Variants in TAFA4 observed in about 807,000 individuals in gnomAD.
The protein encoded by TAFA4 is chemokine-like protein TAFA-4.
In TAFA4, 20 loss-of-function variants were observed where a neutral mutation model predicts 21.1. The observed-to-expected ratio is 0.95, with a 90% CI of 0.67 to 1.38. The LOEUF is 1.38. Among genes scored for constraint, TAFA4 ranks in the 40% most tolerant of loss-of-function variants. The probability of loss-of-function intolerance (pLI) is 0.00; values close to 1 mark genes in which losing one functional copy is unlikely to be tolerated. For synonymous variants in TAFA4, 71 were observed against 67.4 expected, an observed-to-expected ratio of 1.05 and a Z score of -0.26; for missense variants, 211 against 180.9, an observed-to-expected ratio of 1.17 and a Z score of -0.95.
chr3:68,932,008 C>A, intron 1 of TAFA4, among the ~76,000 whole-genome samples: 1 of 152,174 alleles, frequency 6.6e-6, no homozygotes, highest in Middle Eastern at 3.2e-3. Context: ...TCTCCAGCCA[C>A]ACATCCTTAC....
At chr3:68,827,058 CCTGTGTGTAATGTTCCTCTCT>C (rs1233513332) in intron 3 of TAFA4, among the ~76,000 whole-genome samples, 1 of 148,034 alleles carries the variant, frequency 6.8e-6, no homozygotes, top group Non-Finnish European at 1.5e-5. Context: ...CCAACAGGCC[CCTGTGTGTAATGTTCCTCTCT>C]CTGTGTCCAT....
At chr3:68,929,368 A>C (rs1313440688) in intron 1 of TAFA4, among the ~76,000 whole-genome samples, 1 of 152,208 alleles carries the variant, frequency 6.6e-6, no homozygotes, top group African/African-American at 2.4e-5. Flanking sequence ...TGAATCGTGA[A>C]TCTTGTTTCC....
At chr3:68,745,124 T>C (rs1366366011) in intron 4 of TAFA4, among the ~76,000 whole-genome samples, 1 of 152,082 alleles carries the variant, frequency 6.6e-6, no homozygotes, top group African/African-American at 2.4e-5. Context: ...GAGTTAAGGA[T>C]TGACTAAAAA....
chr3:68,787,814 T>G (rs1235720961), intron 3 of TAFA4, among the ~76,000 whole-genome samples: 1 of 152,272 alleles, frequency 6.6e-6, no homozygotes, highest in East Asian at 1.9e-4. Context: ...GGATTGGAGC[T>G]GCATGTTGTG....
intron 1 of TAFA4, among the ~76,000 whole-genome samples, chr3:68,887,024 C>T (rs1347709666): frequency 6.6e-6 from 1 of 152,178 alleles, no homozygotes; most frequent in Non-Finnish European, 1.5e-5. Flanking sequence ...AGCCCAGTGT[C>T]CAGAGTTCCA....
intron 3 of TAFA4, among the ~76,000 whole-genome samples, chr3:68,812,684 A>G (rs879270474): frequency 1.4e-4 from 22 of 152,344 alleles, no homozygotes; most frequent in Non-Finnish European, 2.6e-4. Context: ...GCAAGTCCTT[A>G]GAGACCTAGA....
At chr3:68,931,410 TG>T (rs1189973639) in intron 1 of TAFA4, among the ~76,000 whole-genome samples, 1 of 152,078 alleles carries the variant, frequency 6.6e-6, no homozygotes, top group African/African-American at 2.4e-5. Flanking sequence ...AAACGTTAAA[TG>T]ATGCTGATTC....
At chr3:68,806,240 A>G (rs181995727) in intron 3 of TAFA4, among the ~76,000 whole-genome samples, 62 of 152,314 alleles carry the variant, frequency 4.1e-4, no homozygotes, top group African/African-American at 1.4e-3. Flanking sequence ...CTTGTTAAGT[A>G]AGGAGAAAAA....
At chr3:68,779,746 C>T (rs1394837361) in intron 3 of TAFA4, among the ~76,000 whole-genome samples, 2 of 152,158 alleles carry the variant, frequency 1.3e-5, no homozygotes, top group Non-Finnish European at 2.9e-5. Context: ...GCTGCAGGGG[C>T]GGGGCCCTCA....
intron 4 of TAFA4, among the ~76,000 whole-genome samples, chr3:68,747,000 A>G (rs997252611): frequency 4.1e-4 from 62 of 152,286 alleles, no homozygotes; most frequent in African/African-American, 1.5e-3. Flanking sequence ...CTGTCTTGAG[A>G]CAATGTCAAA....
At chr3:68,860,342 A>G (rs558923093) in intron 3 of TAFA4, among the ~76,000 whole-genome samples, 19 of 152,262 alleles carry the variant, frequency 1.2e-4, no homozygotes, top group Non-Finnish European at 1.9e-4. Context: ...TTTCACCTAT[A>G]AAACATTAAA....
At chr3:68,917,231 G>T (rs1373411194) in intron 1 of TAFA4, among the ~76,000 whole-genome samples, 1 of 152,120 alleles carries the variant, frequency 6.6e-6, no homozygotes, top group Non-Finnish European at 1.5e-5. Flanking sequence ...AAACACTGAT[G>T]TACTTCTCAG....
intron 5 of TAFA4, 51 bp downstream of exon 5, chr3:68,739,024 G>GC (rs757245214): frequency 6.2e-7 from 1 of 1,601,286 alleles, no homozygotes; most frequent in East Asian, 2.2e-5. Context: ...AGGGGAGAAA[G>GC]CCCCACAGTT....
intron 3 of TAFA4, among the ~76,000 whole-genome samples, chr3:68,814,671 A>T (rs1361085395): frequency 1.3e-5 from 2 of 152,240 alleles, no homozygotes; most frequent in African/African-American, 4.8e-5. Flanking sequence ...AGAGGATACA[A>T]ACACATGGAA....
intron 3 of TAFA4, among the ~76,000 whole-genome samples, chr3:68,812,206 G>A (rs1030204640): frequency 3.3e-5 from 5 of 152,210 alleles, no homozygotes; most frequent in Admixed American, 1.3e-4. Context: ...ACAGGTACCA[G>A]CTACTGCAAA....
chr3:68,887,365 G>A (rs906840804), intron 1 of TAFA4, among the ~76,000 whole-genome samples: 4 of 152,254 alleles, frequency 2.6e-5, no homozygotes, highest in East Asian at 1.9e-4. Context: ...TGCTGGACCC[G>A]ATCCACTCAG....
At chr3:68,754,052 C>A (rs566641070) in intron 3 of TAFA4, among the ~76,000 whole-genome samples, 1 of 152,290 alleles carries the variant, frequency 6.6e-6, no homozygotes, top group African/African-American at 2.4e-5. Context: ...TATGTGGCCC[C>A]ATTTGCTTTA....
At position 68,839,085 on chromosome 3, in the gene TAFA4, G is replaced by A. The variant is rs181164483; in HGVS notation, c.130+41645C>T. 9.8e-4 allele frequency among the ~76,000 whole-genome samples: 149 copies of A among 152,298 alleles called. 1 individual carries two copies. Among genetic ancestry groups the A allele is most frequent in the African/African-American group, 3.0e-3 (124 of 41,556 alleles). On this transcript the variant is annotated intron_variant, in intron 3 of 5. Transcript: ENST00000295569. The stretch of plus-strand genomic sequence containing the variant: ...TGCACTCCAGCCTGGGAGACAGAGC[G>A]AGACCTTGTCTCAAAGAAAAACAAC...
intron 3 of TAFA4, among the ~76,000 whole-genome samples, chr3:68,873,634 G>C (rs1246982293): frequency 5.3e-5 from 8 of 152,170 alleles, no homozygotes; most frequent in Admixed American, 5.2e-4. Context: ...GACACTTGCA[G>C]GGAGGGCAGA....
Sources: gnomAD v4.1 joint callset for allele counts (sites outside exome capture counted in the v4.1 genomes callset) on GRCh38, gnomAD v4.1.1 for gene constraint, MANE v1.5 for transcripts, NCBI Gene and HGNC (gene_info 2026-07-23, HGNC 2026-07-21) for gene names.